CHCHD3: variants seen among roughly 807,000 people sequenced by gnomAD.
CHCHD3 encodes the protein MICOS complex subunit MIC19.
CHCHD3 carries 20 observed loss-of-function variants against 38.2 expected under a neutral mutation model. The observed-to-expected ratio is 0.52, with a 90% confidence interval of 0.37 to 0.76. The LOEUF is 0.76. CHCHD3 is among the 30% of genes least tolerant of loss of function. CHCHD3 has a pLI of 0.00. For synonymous variants in CHCHD3, 82 were observed against 100.0 expected, an observed-to-expected ratio of 0.82 and a Z score of 1.07; for missense variants, 245 against 279.2, an observed-to-expected ratio of 0.88 and a Z score of 0.87.
At chr7:133,064,697 T>C (rs1814619972) in intron 2 of CHCHD3, among the ~76,000 whole-genome samples, 2 of 152,234 alleles carry the variant, frequency 1.3e-5, no homozygotes, top group Non-Finnish European at 2.9e-5. Context: ...CTCAGTGATA[T>C]ACTTAACACA....
chr7:133,014,576 CA>C (rs2117419339), intron 3 of CHCHD3, among the ~76,000 whole-genome samples: 1 of 150,726 alleles, frequency 6.6e-6, no homozygotes, highest in African/African-American at 2.4e-5. Context: ...ATACAAAAGG[CA>C]AATAAATACT....
rs554889991 is a variant in CHCHD3 at position 133,025,591 on chromosome 7, GC to G, written c.170-965del. ...ACGATCTTAGCTCACTGTGACCTCCGCCTCCTGGGTTCAAGCAATTCTCCTG... is the reference window on the plus strand; with the variant it reads ...ACGATCTTAGCTCACTGTGACCTCCGCTCCTGGGTTCAAGCAATTCTCCTG... On this transcript the variant is annotated intron_variant, in intron 2 of 7. Coordinates refer to ENST00000262570, the MANE Select transcript of CHCHD3 (RefSeq NM_017812.4). Among the ~76,000 whole-genome samples, 251 of 152,282 alleles carry G rather than the reference GC, an allele frequency of 1.6e-3. 1 individual carries two copies. The highest frequency in any genetic ancestry group is 3.1e-3 in the Non-Finnish European group (214 of 68,036).
intron 3 of CHCHD3, among the ~76,000 whole-genome samples, chr7:133,009,954 G>A (rs1812816917): frequency 6.6e-6 from 1 of 152,100 alleles, no homozygotes; most frequent in African/African-American, 2.4e-5. Flanking sequence ...ACTGTCTCAG[G>A]ACAGGACCTG....
At chr7:132,916,792 C>T (rs1330768712) in intron 4 of CHCHD3, among the ~76,000 whole-genome samples, 3 of 152,082 alleles carry the variant, frequency 2.0e-5, no homozygotes, top group African/African-American at 7.2e-5. Context: ...TTTGCCCAGG[C>T]TGGTCTCAAA....
chr7:132,933,966 C>G (rs1288892666), intron 4 of CHCHD3, among the ~76,000 whole-genome samples: 1 of 152,204 alleles, frequency 6.6e-6, no homozygotes, highest in African/African-American at 2.4e-5. Flanking sequence ...TTGCCTTCAG[C>G]CTAAACTTAA....
At chr7:132,951,375 C>G (rs1811032985) in intron 4 of CHCHD3, among the ~76,000 whole-genome samples, 1 of 152,138 alleles carries the variant, frequency 6.6e-6, no homozygotes, top group African/African-American at 2.4e-5. Context: ...GCAATAGAAA[C>G]ACATCATTAC....
At chr7:132,950,942 C>T (rs1811023181) in intron 4 of CHCHD3, among the ~76,000 whole-genome samples, 1 of 152,210 alleles carries the variant, frequency 6.6e-6, no homozygotes, top group South Asian at 2.1e-4. Flanking sequence ...TGAATTGTGA[C>T]AGATGCTAGG....
chr7:132,885,743 A>G lies in CHCHD3; in HGVS notation c.372T>C (p.Ala124=), dbSNP rs762860961. 6.2e-7 allele frequency: 1 copy of G among 1,606,530 alleles called. No homozygotes were observed. Among genetic ancestry groups the G allele is most frequent in the South Asian group, 1.1e-5 (1 of 89,666 alleles). ...EEERAKAKHL[A]RQLEEKDRVL... ...CTCGGTCTTTCTCTTCCAGCTGCCT[A>G]GCCTAAAAAAAGAAATGAGGAATAT... Residue 124 remains alanine (A), a splice_region_variant and synonymous_variant, in exon 5 of 8, where the codon GCT becomes GCC. Transcript: ENST00000262570.
intron 3 of CHCHD3, among the ~76,000 whole-genome samples, chr7:133,009,132 G>A (rs1464870514): frequency 6.6e-6 from 1 of 151,986 alleles, no homozygotes; most frequent in Non-Finnish European, 1.5e-5. Flanking sequence ...GGGAGGCCAA[G>A]GCAGGTGGAT....
At chr7:133,012,338 T>G (rs1432550795) in intron 3 of CHCHD3, among the ~76,000 whole-genome samples, 1 of 152,232 alleles carries the variant, frequency 6.6e-6, no homozygotes, top group East Asian at 1.9e-4. Context: ...CAGTTTTATT[T>G]CAAAACATAG....
intron 1 of CHCHD3, among the ~76,000 whole-genome samples, chr7:133,076,475 C>T (rs1342496964): frequency 6.6e-6 from 1 of 152,152 alleles, no homozygotes; most frequent in East Asian, 1.9e-4. Context: ...GATATTCAGC[C>T]CACTGAACTT....
intron 5 of CHCHD3, among the ~76,000 whole-genome samples, chr7:132,859,622 A>G (rs1808432291): frequency 6.6e-6 from 1 of 152,244 alleles, no homozygotes; most frequent in African/African-American, 2.4e-5. Context: ...GCTTTTGTCC[A>G]GCCCAGATTC....
Position 133,082,007 on chromosome 7 carries a change from CGCGCGTG to C in CHCHD3, c.-77_-71del. ...GCACTTCGGGGCCCCCGCACCCACACGCGCGTGGAAGGGCCTGGATTCTTTTCCCGCA... is the reference window on the plus strand; with the variant it reads ...GCACTTCGGGGCCCCCGCACCCACACGAAGGGCCTGGATTCTTTTCCCGCA... On this transcript the variant is annotated 5_prime_UTR_variant, in exon 1 of 8. Coordinates refer to ENST00000262570, the MANE Select transcript of CHCHD3 (RefSeq NM_017812.4). 1 of 1,367,478 alleles carries C rather than the reference CGCGCGTG, an allele frequency of 7.3e-7. No homozygotes were observed. The highest frequency in any genetic ancestry group is 9.9e-7 in the Non-Finnish European group (1 of 1,014,668). The allele number at this position is 1,367,478 out of a possible 1,614,324, so 84.7% of individuals were successfully genotyped here. A position where few individuals can be genotyped will look rare whatever the true frequency, so the allele number is the denominator to read the frequency against.
Position 133,035,811 on chromosome 7 carries a change from T to C in CHCHD3, c.170-11184A>G, listed in dbSNP as rs1584662587. 6.2e-7 allele frequency: 1 copy of C among 1,612,874 alleles called. No individual in the cohort carries two copies. Among genetic ancestry groups the C allele is most frequent in the Non-Finnish European group, 8.5e-7 (1 of 1,179,064 alleles). ...GCGGTTGGTTTGGCCAAAATGGAAG[T>C]GGGGTGGTGCGGAGAGCACGCGGAT... is the stretch of plus-strand genomic sequence containing the variant. On this transcript the variant is annotated intron_variant, in intron 2 of 7. Transcript: ENST00000262570. The surrounding 1 kb of genome is among the most constrained non-coding windows in gnomAD (Gnocchi z 4.7).
intron 4 of CHCHD3, among the ~76,000 whole-genome samples, chr7:132,890,365 C>G (rs187840111): frequency 6.6e-6 from 1 of 152,158 alleles, no homozygotes; most frequent in Non-Finnish European, 1.5e-5. Flanking sequence ...ACATACTGGG[C>G]TGATAGAAAC....
intron 4 of CHCHD3, among the ~76,000 whole-genome samples, chr7:132,902,308 C>G (rs1745533867): frequency 6.6e-6 from 1 of 152,090 alleles, no homozygotes; most frequent in African/African-American, 2.4e-5. Flanking sequence ...CCCAGCCATC[C>G]CATTACTGGG....
intron 2 of CHCHD3, among the ~76,000 whole-genome samples, chr7:133,031,899 C>T (rs1425213709): frequency 6.6e-6 from 1 of 152,100 alleles, no homozygotes; most frequent in Non-Finnish European, 1.5e-5. Flanking sequence ...AATAGAAATA[C>T]TCATTAATCT....
intron 3 of CHCHD3, among the ~76,000 whole-genome samples, chr7:133,015,466 A>AT (rs1019152224): frequency 7.6e-4 from 116 of 152,244 alleles, no homozygotes; most frequent in African/African-American, 2.6e-3. Context: ...AGATAAAAGA[A>AT]TTTTTTTAAA....
chr7:132,915,997 G>A (rs1432475685), intron 4 of CHCHD3, among the ~76,000 whole-genome samples: 3 of 151,170 alleles, frequency 2.0e-5, no homozygotes, highest in African/African-American at 2.4e-5. Flanking sequence ...ATTGTTCTGG[G>A]ATCACACACT....
Sources: allele counts gnomAD v4.1 joint callset (sites outside exome capture counted in the v4.1 genomes callset), GRCh38; gene constraint gnomAD v4.1.1; non-coding constraint Gnocchi (gnomAD v3.1); transcripts MANE v1.5; gene names NCBI Gene and HGNC (gene_info 2026-07-23, HGNC 2026-07-21).